Variants in GAB1 observed in about 807,000 individuals in gnomAD.
GAB1 encodes the protein GRB2 associated binding protein 1.
GAB1 carries 19 observed loss-of-function variants against 66.5 expected under a neutral mutation model. The observed-to-expected ratio is 0.29, with a 90% CI of 0.20 to 0.42. The LOEUF (loss-of-function observed/expected upper bound fraction) is 0.42, where lower values mean the gene tolerates loss of function less well. Among genes scored for constraint, GAB1 ranks in the 10% least tolerant of loss-of-function variants. The probability of loss-of-function intolerance (pLI) is 1.00; values close to 1 mark genes in which losing one functional copy is unlikely to be tolerated. For missense variants in GAB1, 732 were observed against 858.5 expected, an observed-to-expected ratio of 0.85 and a Z score of 1.84; for synonymous variants, 294 against 301.4, an observed-to-expected ratio of 0.98 and a Z score of 0.25.
chr4:143,392,960 A>G (rs987877993), intron 1 of GAB1, among the ~76,000 whole-genome samples: 5 of 152,096 alleles, frequency 3.3e-5, no homozygotes, highest in African/African-American at 4.8e-5. Context: ...TTTCATGTCT[A>G]TGGGCTATAT....
intron 3 of GAB1, among the ~76,000 whole-genome samples, chr4:143,434,915 G>A (rs1247465651): frequency 3.9e-5 from 6 of 152,266 alleles, no homozygotes; most frequent in South Asian, 2.1e-4. Flanking sequence ...AATGATGATT[G>A]AGAGGCCAAT....
chr4:143,460,258 G>A, intron 7 of GAB1, 106 bp from the exon 8 acceptor site: 1 of 1,045,770 alleles, frequency 9.6e-7, no homozygotes, highest in Non-Finnish European at 1.5e-6. Flanking sequence ...ATAAACATAA[G>A]GGAATATTTC....
intron 3 of GAB1, among the ~76,000 whole-genome samples, chr4:143,434,383 T>TA (rs1733834000): frequency 6.6e-6 from 1 of 150,750 alleles, no homozygotes; most frequent in African/African-American, 2.5e-5. Context: ...TTTTTTTTTT[T>TA]AGGAGACAAG....
intron 1 of GAB1, among the ~76,000 whole-genome samples, chr4:143,368,179 G>GAA (rs904538051): frequency 7.1e-6 from 1 of 140,408 alleles, no homozygotes; most frequent in Non-Finnish European, 1.6e-5. Flanking sequence ...GTTTTTTGAG[G>GAA]AAAAAAAAAA....
At chr4:143,450,299 C>T (rs1269341339) in intron 6 of GAB1, among the ~76,000 whole-genome samples, 1 of 152,092 alleles carries the variant, frequency 6.6e-6, no homozygotes, top group African/African-American at 2.4e-5. Context: ...ATTACTTTTA[C>T]TCTTTCTTGA....
intron 1 of GAB1, chr4:143,349,376 A>T: frequency 9.8e-7 from 1 of 1,025,140 alleles, no homozygotes. Flanking sequence ...GACTTGGTAA[A>T]TACAGTCTCT....
intron 6 of GAB1, among the ~76,000 whole-genome samples, chr4:143,458,240 C>T (rs898917234): frequency 6.6e-5 from 10 of 152,018 alleles, no homozygotes; most frequent in African/African-American, 2.2e-4. Flanking sequence ...TTTCACTCAG[C>T]GGAATATTCT....
chr4:143,390,795 A>C (rs1560736090), intron 1 of GAB1, among the ~76,000 whole-genome samples: 1 of 152,096 alleles, frequency 6.6e-6, no homozygotes. Flanking sequence ...AAATTCAGGC[A>C]CCCAGATTTC....
At chr4:143,434,207 T>C in intron 3 of GAB1, 1 of 1,063,766 alleles carries the variant, frequency 9.4e-7, no homozygotes, top group Non-Finnish European at 1.3e-6. Context: ...GTGTGAGAAA[T>C]TAATCATAAG....
Position 143,440,330 on chromosome 4 carries a change from T to A in GAB1, c.1533T>A (p.Val511=). Reference sequence around the variant, plus strand: ...CCCCTCCCAGAAGGCCAGTTCCTGTTGCAGACTGTGAACCACCCCCCGTGG... The same window carrying A: ...CCCCTCCCAGAAGGCCAGTTCCTGTAGCAGACTGTGAACCACCCCCCGTGG... ...PKTPPRRPVP[V]ADCEPPPVDR... The change falls in exon 6 of 10, where the codon GTT becomes GTA. Residue 511 remains valine, a synonymous_variant. Coordinates refer to ENST00000262994, the MANE Select transcript of GAB1 (RefSeq NM_002039.4). 6.2e-7 allele frequency: 1 copy of A among 1,614,036 alleles called. No homozygotes were observed. The highest frequency in any genetic ancestry group is 8.5e-7 in the Non-Finnish European group (1 of 1,179,964).
Position 143,429,099 on chromosome 4 carries a change from TTTTA to T in GAB1, c.368-4376_368-4373del, listed in dbSNP as rs764094023. On this transcript the variant is annotated intron_variant, in intron 2 of 9. Transcript: ENST00000262994. Reference sequence around the variant, plus strand: ...TATTTGCATAAAGTGCAGCAAGAATTTTTATTTATTTATTTATTTTTGAGATGGA... The same window carrying T: ...TATTTGCATAAAGTGCAGCAAGAATTTTTATTTATTTATTTTTGAGATGGA... Among the ~76,000 whole-genome samples, 376 of 152,228 alleles carry T rather than the reference TTTTA, an allele frequency of 2.5e-3. 2 individuals are homozygous for T. The highest frequency in any genetic ancestry group is 7.9e-3 in the African/African-American group (328 of 41,544).
At chr4:143,409,040 A>G (rs905742669) in intron 1 of GAB1, among the ~76,000 whole-genome samples, 1 of 152,216 alleles carries the variant, frequency 6.6e-6, no homozygotes, top group Non-Finnish European at 1.5e-5. Context: ...AGATGCAGTC[A>G]GCAGAGTTCT....
chr4:143,388,721 T>A (rs1731038887), intron 1 of GAB1, among the ~76,000 whole-genome samples: 1 of 152,184 alleles, frequency 6.6e-6, no homozygotes, highest in African/African-American at 2.4e-5. Flanking sequence ...GGCCTAGAGT[T>A]CTAATAATTG....
intron 1 of GAB1, among the ~76,000 whole-genome samples, chr4:143,396,758 G>T (rs1165610845): frequency 6.6e-6 from 1 of 152,102 alleles, no homozygotes; most frequent in Non-Finnish European, 1.5e-5. Context: ...TACATTCTTG[G>T]GGTTGAGGGA....
chr4:143,427,463 G>A (rs763538388), intron 2 of GAB1, among the ~76,000 whole-genome samples: 3 of 151,752 alleles, frequency 2.0e-5, no homozygotes, highest in Non-Finnish European at 4.4e-5. Flanking sequence ...GGGGTTGCGG[G>A]TAAATACAGC....
chr4:143,415,064 G>A (rs1732607004), intron 1 of GAB1, among the ~76,000 whole-genome samples: 2 of 152,038 alleles, frequency 1.3e-5, no homozygotes, highest in South Asian at 4.1e-4. Flanking sequence ...CATATAAGTG[G>A]AATCATACAA....
chr4:143,430,903 C>T (rs1733616517), intron 2 of GAB1, among the ~76,000 whole-genome samples: 1 of 152,184 alleles, frequency 6.6e-6, no homozygotes, highest in Non-Finnish European at 1.5e-5. Context: ...TCAAAACAAT[C>T]CTTTAACCCC....
intron 1 of GAB1, among the ~76,000 whole-genome samples, chr4:143,373,864 A>ATATATAT (rs1553945752): frequency 7.9e-5 from 4 of 50,808 alleles, no homozygotes; most frequent in African/African-American, 3.1e-4. Context: ...TCTGTAAATA[A>ATATATAT]ATAAATATAT....
rs771178158 is a variant in GAB1, at chr4:143,460,459, T to C, written c.1775T>C (p.Met592Thr). ...SHDSEENYVP[M>T]NPNLSSEDPN... ...GACAGTGAAGAGAATTATGTTCCCA[T>C]GAACCCAAACCTGTCCAGTGAAGAC... The change falls in exon 8 of 10, where the codon ATG (methionine) becomes ACG (threonine). Residue 592 changes from methionine (M) to threonine (T), a missense_variant. Physicochemically the swap from Met to Thr is moderately conservative, Grantham distance 81. Coordinates refer to ENST00000262994, the MANE Select transcript of GAB1 (RefSeq NM_002039.4). The C allele has an allele frequency of 1.9e-5, 30 of 1,613,774 alleles. No individual in the cohort carries two copies. Among genetic ancestry groups the C allele is most frequent in the Non-Finnish European group, 2.4e-5 (28 of 1,179,816 alleles).
Sources: allele counts gnomAD v4.1 joint callset (sites outside exome capture counted in the v4.1 genomes callset), GRCh38; gene constraint gnomAD v4.1.1; transcripts MANE v1.5; gene names NCBI Gene and HGNC (gene_info 2026-07-23, HGNC 2026-07-21).